Variants in CD99L2 observed in about 807,000 individuals in gnomAD.
The protein encoded by CD99L2 is CD99 antigen-like protein 2.
CD99L2 carries 24 observed loss-of-function variants against 27.3 expected under a neutral mutation model. The observed-to-expected ratio is 0.88, with a 90% CI of 0.64 to 1.24. The LOEUF is 1.24. Ranked by LOEUF, CD99L2 falls within the 50% of genes most tolerant of loss-of-function variation. The pLI is 0.00. For missense variants in CD99L2, 255 were observed against 221.6 expected (o/e 1.15, Z -0.96); for synonymous variants, 97 against 87.9 (o/e 1.10, Z -0.58).
chrX:150,807,155 C>T (rs921133555), intron 4 of CD99L2, among the ~76,000 whole-genome samples: 1 of 110,758 alleles, frequency 9.0e-6, no homozygotes, highest in Non-Finnish European at 1.9e-5. Flanking sequence ...ACTGTGCTTA[C>T]CTCTTAAAGA....
intron 1 of CD99L2, among the ~76,000 whole-genome samples, chrX:150,862,121 T>C (rs1557421924): frequency 1.8e-5 from 2 of 111,868 alleles, no homozygotes; most frequent in South Asian, 3.7e-4. Context: ...TGAGAACTTA[T>C]TATGTTTATA....
intron 9 of CD99L2, among the ~76,000 whole-genome samples, chrX:150,773,613 G>C (rs1017850889): frequency 8.9e-6 from 1 of 112,343 alleles, no homozygotes; most frequent in Non-Finnish European, 1.9e-5. Flanking sequence ...CTCATCCCTG[G>C]AACCTGTGAA....
intron 10 of CD99L2, among the ~76,000 whole-genome samples, chrX:150,769,316 C>A (rs1305088790): frequency 2.7e-5 from 3 of 111,959 alleles, no homozygotes; most frequent in Non-Finnish European, 5.6e-5. Context: ...ACAGCTCAGC[C>A]TCCATCTCCT....
chrX:150,872,616 C>T (rs782354664), intron 1 of CD99L2, among the ~76,000 whole-genome samples: 1 of 99,832 alleles, frequency 1.0e-5, no homozygotes, highest in South Asian at 5.1e-4. Context: ...GAAGGCTACT[C>T]TGGGCACACT....
At chrX:150,770,720 G>A (rs1403540803) in intron 9 of CD99L2, among the ~76,000 whole-genome samples, 1 of 113,058 alleles carries the variant, frequency 8.8e-6, no homozygotes, top group African/African-American at 3.2e-5. Flanking sequence ...CCACAGGTCC[G>A]TGTGCGTGTG....
chrX:150,861,141 C>CAAAAAAAAAAAAAAAAAAAAAAAAA (rs782255590), intron 1 of CD99L2, among the ~76,000 whole-genome samples: 6 of 40,913 alleles, frequency 1.5e-4, no homozygotes, highest in Middle Eastern at 0.018. Context: ...GACTCTGTCT[C>CAAAAAAAAAAAAAAAAAAAAAAAAA]AAAAAAAAAA....
chrX:150,776,265 G>A lies in CD99L2; in HGVS notation c.564C>T (p.Ala188=), dbSNP rs782097113. ...CCATGGCCAGGGCGCTGGCCACCCCGGCAATGGTGCCAGGCTCTGCCACCA... is the reference window on the plus strand; with the variant it reads ...CCATGGCCAGGGCGCTGGCCACCCCAGCAATGGTGCCAGGCTCTGCCACCA... ...SGMVAEPGTI[A]GVASALAMAL... is the part of the protein sequence containing the mutation. The change falls in exon 9 of 11, where the codon GCC becomes GCT. Residue 188 remains alanine (A), a synonymous_variant. Transcript: ENST00000370377. 6.7e-5 allele frequency: 81 copies of A among 1,208,378 alleles called. No homozygotes were observed. In the Admixed American group the frequency reaches 1.1e-3, roughly 17 times the overall value.
chrX:150,869,682 G>C (rs1557422139), intron 1 of CD99L2, among the ~76,000 whole-genome samples: 1 of 111,882 alleles, frequency 8.9e-6, no homozygotes, highest in Non-Finnish European at 1.9e-5. Flanking sequence ...GCCAGCCAAG[G>C]CGTCTGCTCA....
At chrX:150,872,775 C>T (rs2047177511) in intron 1 of CD99L2, among the ~76,000 whole-genome samples, 2 of 111,233 alleles carry the variant, frequency 1.8e-5, no homozygotes, top group South Asian at 3.8e-4. Flanking sequence ...TCAATTCTCC[C>T]TCTGTTAATT....
intron 4 of CD99L2, among the ~76,000 whole-genome samples, chrX:150,809,406 G>T (rs1557420320): frequency 1.8e-5 from 2 of 112,267 alleles, no homozygotes; most frequent in African/African-American, 6.5e-5. Context: ...GAAATTATAA[G>T]AGTGAATGAA....
chrX:150,824,304 A>AGAAGAGGAG (rs1223503217), intron 2 of CD99L2, among the ~76,000 whole-genome samples: 2 of 62,502 alleles, frequency 3.2e-5, no homozygotes, highest in Non-Finnish European at 6.3e-5. Flanking sequence ...AAGAAGAAGA[A>AGAAGAGGAG]GAGGAGGAGG....
intron 1 of CD99L2, 127 bp from the exon 2 acceptor site, chrX:150,831,420 A>G (rs1557421062): frequency 1.9e-6 from 1 of 538,815 alleles, no homozygotes. Flanking sequence ...TGCAAATAGA[A>G]ACCCAAAGTG....
chrX:150,775,935 T>C (rs782322873), intron 9 of CD99L2, among the ~76,000 whole-genome samples: 1 of 112,384 alleles, frequency 8.9e-6, no homozygotes, highest in Non-Finnish European at 1.9e-5. Context: ...GCTGGGGCCC[T>C]GGAAGGTGAA....
At chrX:150,794,854 C>T (rs1289842759) in intron 6 of CD99L2, among the ~76,000 whole-genome samples, 8 of 112,466 alleles carry the variant, frequency 7.1e-5, no homozygotes, top group Admixed American at 4.7e-4. Flanking sequence ...AATGTAACAG[C>T]GTGCCGCTCT....
chrX:150,829,720 G>A, intron 2 of CD99L2: 1 of 217,684 alleles, frequency 4.6e-6, no homozygotes. Context: ...ATTTCTATCT[G>A]TAGATGCACC....
At chrX:150,826,083 G>A (rs2046362949) in intron 2 of CD99L2, among the ~76,000 whole-genome samples, 1 of 111,480 alleles carries the variant, frequency 9.0e-6, no homozygotes, top group Non-Finnish European at 1.9e-5. Context: ...CCTGATAAAA[G>A]AGGCTTGAGG....
intron 1 of CD99L2, among the ~76,000 whole-genome samples, chrX:150,886,637 G>C (rs2047413903): frequency 8.9e-6 from 1 of 112,041 alleles, no homozygotes. Flanking sequence ...TTCTCAACAA[G>C]GGGTGATTCG....
At chrX:150,855,973 A>G (rs2046880009) in intron 1 of CD99L2, among the ~76,000 whole-genome samples, 1 of 111,690 alleles carries the variant, frequency 9.0e-6, no homozygotes, top group Non-Finnish European at 1.9e-5. Flanking sequence ...CTTAAATCCA[A>G]ATTCATGGGC....
At chrX:150,857,444 C>A (rs188791867) in intron 1 of CD99L2, among the ~76,000 whole-genome samples, 1 of 109,034 alleles carries the variant, frequency 9.2e-6, no homozygotes, top group African/African-American at 3.3e-5. Context: ...GAGAATGGCA[C>A]GATATGTTCA....
Sources: allele counts gnomAD v4.1 joint callset (sites outside exome capture counted in the v4.1 genomes callset), GRCh38; gene constraint gnomAD v4.1.1; transcripts MANE v1.5; gene names NCBI Gene and HGNC (gene_info 2026-07-23, HGNC 2026-07-21).